MRE11: variants seen among roughly 807,000 people sequenced by gnomAD.
MRE11 encodes MRE11 double strand break repair nuclease.
A neutral mutation model predicts 91.7 loss-of-function variants in MRE11; 62 were observed. That is an observed-to-expected ratio of 0.68 (90% CI 0.55 to 0.84). The LOEUF (loss-of-function observed/expected upper bound fraction) is 0.84. Ranked by LOEUF, MRE11 falls within the 40% of genes least tolerant of loss-of-function variation. MRE11 has a pLI of 0.00. For synonymous variants in MRE11, 273 were observed against 271.4 expected (o/e 1.01, Z -0.06); for missense variants, 796 against 852.9 (o/e 0.93, Z 0.83).
chr11:94,441,431 C>T (rs943001698), intron 16 of MRE11, among the ~76,000 whole-genome samples: 1 of 152,128 alleles, frequency 6.6e-6, no homozygotes, highest in African/African-American at 2.4e-5. Flanking sequence ...TGGCTTCATC[C>T]AAGGTCTCAA....
chr11:94,471,474 C>T, intron 8 of MRE11, 100 bp downstream of exon 8: 2 of 1,038,678 alleles, frequency 1.9e-6, no homozygotes, highest in Admixed American at 3.8e-5. Flanking sequence ...GACAATACTG[C>T]CAGTTAGCGG....
the MRE11 span, chr11:94,512,394 G>A: frequency 2.4e-5 from 22 of 913,292 alleles, no homozygotes; most frequent in Non-Finnish European, 3.0e-5. Context: ...GGAATACCTA[G>A]GGCCTCGGAA....
At chr11:94,486,244 A>C (rs1477548761) in intron 3 of MRE11, among the ~76,000 whole-genome samples, 160 bp from the exon 4 acceptor site, 1 of 152,252 alleles carries the variant, frequency 6.6e-6, no homozygotes, top group Non-Finnish European at 1.5e-5. Context: ...TCAATCTGGT[A>C]ATTAATCTGG....
At chr11:94,434,005 C>T (rs1262347699) in intron 18 of MRE11, among the ~76,000 whole-genome samples, 6 of 152,110 alleles carry the variant, frequency 3.9e-5, no homozygotes, top group East Asian at 1.9e-4. Context: ...GCTAACTGAT[C>T]GGCTGATCAC....
At chr11:94,486,208 T>C (rs1044845600) in intron 3 of MRE11, 124 bp from the exon 4 acceptor site, 3 of 888,110 alleles carry the variant, frequency 3.4e-6, no homozygotes, top group African/African-American at 3.4e-5. Flanking sequence ...CTTAAAAATT[T>C]ACATTTTATT....
At chr11:94,454,510 G>GGCAGAGTTT (rs1183648133) in intron 14 of MRE11, among the ~76,000 whole-genome samples, 1 of 152,090 alleles carries the variant, frequency 6.6e-6, no homozygotes, top group Non-Finnish European at 1.5e-5. Context: ...ATTACAGCTT[G>GGCAGAGTTT]GCAGAGTTTC....
intron 16 of MRE11, among the ~76,000 whole-genome samples, chr11:94,444,933 A>C (rs1244675531): frequency 1.3e-5 from 2 of 152,184 alleles, no homozygotes; most frequent in Non-Finnish European, 2.9e-5. Context: ...GGTAGAAAAA[A>C]GTATCACCAC....
intron 7 of MRE11, chr11:94,473,298 A>T (rs527257798): frequency 6.6e-6 from 1 of 152,274 alleles, no homozygotes; most frequent in African/African-American, 2.4e-5. Flanking sequence ...TCCCAAATAC[A>T]ACATGATGCC....
intron 19 of MRE11, among the ~76,000 whole-genome samples, chr11:94,429,682 T>G (rs982993949): frequency 1.3e-5 from 2 of 151,780 alleles, no homozygotes; most frequent in Non-Finnish European, 2.9e-5. Flanking sequence ...AGGCTGAGAG[T>G]AGGATGTGTG....
upstream of MRE11, chr11:94,498,599 A>C (rs1368609326): frequency 2.2e-6 from 3 of 1,354,780 alleles, no homozygotes; most frequent in East Asian, 6.9e-5. Context: ...TATTCCCATA[A>C]TCAAAGTTGA....
chr11:94,481,001 A>C (rs1946997995), intron 4 of MRE11, among the ~76,000 whole-genome samples: 1 of 152,172 alleles, frequency 6.6e-6, no homozygotes, highest in Non-Finnish European at 1.5e-5. Flanking sequence ...CTTATGAGTG[A>C]AATCAAACTT....
intron 13 of MRE11, 130 bp from the exon 14 acceptor site, chr11:94,456,468 AATC>A (rs757144980): frequency 1.6e-5 from 12 of 733,130 alleles, no homozygotes; most frequent in Non-Finnish European, 2.8e-5. Context: ...CACAAAAGTA[AATC>A]ATATTTTTCC....
intron 19 of MRE11, among the ~76,000 whole-genome samples, chr11:94,423,472 G>T (rs957324810): frequency 1.3e-4 from 20 of 152,196 alleles, no homozygotes; most frequent in Non-Finnish European, 2.9e-4. Flanking sequence ...GGCCATAGGC[G>T]CCCATCCCCT....
chr11:94,508,316 CT>C, the MRE11 span, among the ~76,000 whole-genome samples: 1 of 152,104 alleles, frequency 6.6e-6, no homozygotes, highest in East Asian at 1.9e-4. Flanking sequence ...TTTTGGTTTC[CT>C]GTTTAAAAAG....
rs1288784103 is a variant in MRE11, at chr11:94,474,143, C to G, written c.659+2146G>C. 2.6e-5 allele frequency among the ~76,000 whole-genome samples: 4 copies of G among 152,090 alleles called. No individual in the cohort carries two copies. The East Asian group carries it at 5.8e-4, about 22-fold the overall frequency. ...GTACGCATTTGTGGATTTCTGAATACCACTCTCCAATAAAAAGAATCAGAG... is the reference window on the plus strand; with the variant it reads ...GTACGCATTTGTGGATTTCTGAATAGCACTCTCCAATAAAAAGAATCAGAG... On this transcript the variant is annotated intron_variant, in intron 7 of 19. Transcript: ENST00000323929.
At chr11:94,497,348 G>T, upstream of MRE11, 1 of 313,406 alleles carries the variant, frequency 3.2e-6, no homozygotes, top group Middle Eastern at 8.8e-4. Flanking sequence ...TTGAGATTCA[G>T]GAATATTAAT....
intron 7 of MRE11, chr11:94,473,605 G>A (rs1224062808): frequency 6.6e-6 from 1 of 152,070 alleles, no homozygotes; most frequent in Non-Finnish European, 1.5e-5. Flanking sequence ...AGAATGCACA[G>A]GGTGACAAAT....
chr11:94,456,033 A>G (rs1430528778), intron 14 of MRE11, among the ~76,000 whole-genome samples: 1 of 152,170 alleles, frequency 6.6e-6, no homozygotes, highest in African/African-American at 2.4e-5. Flanking sequence ...AGTAGCCAAG[A>G]CTACAGGTGT....
At chr11:94,424,083 G>T (rs1050121935) in intron 19 of MRE11, among the ~76,000 whole-genome samples, 1 of 152,166 alleles carries the variant, frequency 6.6e-6, no homozygotes, top group Non-Finnish European at 1.5e-5. Context: ...CCATGGTCCA[G>T]GAGTGGCCCT....
Sources: allele counts gnomAD v4.1 joint callset (sites outside exome capture counted in the v4.1 genomes callset), GRCh38; gene constraint gnomAD v4.1.1; transcripts MANE v1.5; gene names NCBI Gene and HGNC (gene_info 2026-07-23, HGNC 2026-07-21).